NALF1: variants seen among roughly 807,000 people sequenced by gnomAD.
NALF1 encodes the protein family with sequence similarity 155 member A.
NALF1 carries 3 observed loss-of-function variants against 48.4 expected under a neutral mutation model. That is an observed-to-expected ratio of 0.06 (90% CI 0.03 to 0.16). NALF1 has a LOEUF of 0.16. Among genes scored for constraint, NALF1 ranks in the 10% least tolerant of loss-of-function variants. The pLI, the probability that NALF1 is intolerant of heterozygous loss-of-function variation, is 1.00. For synonymous variants in NALF1, 262 were observed against 245.7 expected, an observed-to-expected ratio of 1.07 and a Z score of -0.62; for missense variants, 526 against 571.5, an observed-to-expected ratio of 0.92 and a Z score of 0.81.
intron 1 of NALF1, among the ~76,000 whole-genome samples, chr13:107,593,878 G>A (rs1386761451): frequency 6.6e-6 from 1 of 151,560 alleles, no homozygotes; most frequent in Non-Finnish European, 1.5e-5. Context: ...TGGATCAGGT[G>A]CCATAGAAGG....
At chr13:107,752,013 T>C (rs1876954883) in intron 1 of NALF1, among the ~76,000 whole-genome samples, 1 of 152,122 alleles carries the variant, frequency 6.6e-6, no homozygotes, top group Non-Finnish European at 1.5e-5. Flanking sequence ...TTAATATTTA[T>C]ATTAATGTTT....
intron 1 of NALF1, among the ~76,000 whole-genome samples, chr13:107,528,188 T>C (rs16970620): frequency 0.018 from 2,814 of 152,180 alleles, 84 homozygotes; most frequent in African/African-American, 0.064. Flanking sequence ...ATGTTGGTAA[T>C]AGCAATTTTT....
At chr13:107,679,560 A>G (rs182628539) in intron 1 of NALF1, among the ~76,000 whole-genome samples, 26 of 152,356 alleles carry the variant, frequency 1.7e-4, no homozygotes, top group Non-Finnish European at 3.4e-4. Flanking sequence ...CTGAGTGGAC[A>G]TGGGCTCTGT....
At chr13:107,203,219 A>G (rs955287825) in intron 2 of NALF1, among the ~76,000 whole-genome samples, 7 of 152,208 alleles carry the variant, frequency 4.6e-5, no homozygotes, top group Admixed American at 3.3e-4. Flanking sequence ...CTAAACTGAC[A>G]TTCCAGAATT....
chr13:107,477,353 T>C (rs1885189099), intron 1 of NALF1, among the ~76,000 whole-genome samples: 1 of 152,116 alleles, frequency 6.6e-6, no homozygotes. Flanking sequence ...ATAGAACAAA[T>C]GTTTATTTAT....
intron 1 of NALF1, among the ~76,000 whole-genome samples, chr13:107,316,714 T>G (rs1055741701): frequency 9.2e-5 from 14 of 152,192 alleles, no homozygotes; most frequent in Non-Finnish European, 1.8e-4. Context: ...AAGTGTCTGT[T>G]CATATCCTTT....
intron 1 of NALF1, among the ~76,000 whole-genome samples, chr13:107,562,327 C>G (rs1036693073): frequency 1.3e-5 from 2 of 152,166 alleles, no homozygotes; most frequent in African/African-American, 4.8e-5. Flanking sequence ...AAACGACAGT[C>G]AAAGGCGTGC....
intron 1 of NALF1, among the ~76,000 whole-genome samples, chr13:107,655,629 T>C (rs537600218): frequency 1.3e-5 from 2 of 151,900 alleles, no homozygotes; most frequent in African/African-American, 2.4e-5. Context: ...CAAAATACCA[T>C]GATGATTCTT....
chr13:107,220,256 T>C (rs917155124), intron 1 of NALF1, among the ~76,000 whole-genome samples: 3 of 152,242 alleles, frequency 2.0e-5, no homozygotes, highest in African/African-American at 2.4e-5. Flanking sequence ...ATTATCTTAA[T>C]GTGTCCTGCT....
At chr13:107,556,315 A>ACG (rs1877478655) in intron 1 of NALF1, among the ~76,000 whole-genome samples, 1 of 149,180 alleles carries the variant, frequency 6.7e-6, no homozygotes, top group African/African-American at 2.5e-5. Context: ...ACACACACAC[A>ACG]CACATATATA....
chr13:107,664,619 A>C (rs577701658), intron 1 of NALF1, among the ~76,000 whole-genome samples: 1 of 152,274 alleles, frequency 6.6e-6, no homozygotes, highest in South Asian at 2.1e-4. Flanking sequence ...CTTCTCTCCT[A>C]TTCTACTCAT....
At chr13:107,535,650 C>T (rs1876781481) in intron 1 of NALF1, among the ~76,000 whole-genome samples, 1 of 152,130 alleles carries the variant, frequency 6.6e-6, no homozygotes, top group Admixed American at 6.6e-5. Context: ...GGCCGTACTG[C>T]CCAAGGTAAT....
chr13:107,291,242 A>G (rs1238754009), intron 1 of NALF1, among the ~76,000 whole-genome samples: 1 of 152,098 alleles, frequency 6.6e-6, no homozygotes, highest in African/African-American at 2.4e-5. Context: ...AACAATTGAC[A>G]AATTATGCTC....
chr13:107,320,029 T>A (rs1462801449), intron 1 of NALF1, among the ~76,000 whole-genome samples: 3 of 152,110 alleles, frequency 2.0e-5, no homozygotes, highest in African/African-American at 4.8e-5. Context: ...AAGGCACCAG[T>A]TATAAACTTC....
chr13:107,826,353 A>G (rs1374138802), intron 1 of NALF1, among the ~76,000 whole-genome samples: 4 of 152,092 alleles, frequency 2.6e-5, no homozygotes, highest in African/African-American at 9.7e-5. Context: ...AAGTCACTCA[A>G]CCAACAACAC....
At chr13:107,767,938 G>GA (rs1447114777) in intron 1 of NALF1, among the ~76,000 whole-genome samples, 1 of 152,162 alleles carries the variant, frequency 6.6e-6, no homozygotes, top group Non-Finnish European at 1.5e-5. Flanking sequence ...GACACGTTGA[G>GA]AAAGTAAGGA....
chr13:107,241,143 G>A (rs1451467884), intron 1 of NALF1, among the ~76,000 whole-genome samples: 1 of 150,640 alleles, frequency 6.6e-6, no homozygotes, highest in African/African-American at 2.4e-5. Flanking sequence ...GCAGTGAGCC[G>A]AGATTGCACC....
In NALF1 at chr13:107,719,299, T is replaced by C. The variant is rs77132488; in HGVS notation, c.915+146383A>G. 9.4e-4 allele frequency among the ~76,000 whole-genome samples: 143 copies of C among 152,324 alleles called. 1 individual carries two copies. In the East Asian group the frequency reaches 0.024, roughly 26 times the overall value. ...AATCTTGTTGACCACTGGCAGTTCT[T>C]TGAAATATTCTCTTAGCTGTCTCAA... On this transcript the variant is annotated intron_variant, in intron 1 of 2. Transcript: ENST00000375915.
At chr13:107,447,731 G>A (rs894417387) in intron 1 of NALF1, among the ~76,000 whole-genome samples, 4 of 152,144 alleles carry the variant, frequency 2.6e-5, no homozygotes, top group Non-Finnish European at 5.9e-5. Context: ...TTCCGTGGCA[G>A]CAGCTGCAGT....
Sources: allele counts gnomAD v4.1 joint callset (sites outside exome capture counted in the v4.1 genomes callset), GRCh38; gene constraint gnomAD v4.1.1; transcripts MANE v1.5; gene names NCBI Gene and HGNC (gene_info 2026-07-23, HGNC 2026-07-21).